The following SHQ1 variants were observed in gnomAD, a reference collection of about 807,000 sequenced individuals.
SHQ1 encodes the protein protein SHQ1 homolog.
A neutral mutation model predicts 53.8 loss-of-function variants in SHQ1; 49 were observed. The observed-to-expected ratio is 0.91, with a 90% CI of 0.72 to 1.16. The LOEUF (loss-of-function observed/expected upper bound fraction) is 1.16. Ranked by LOEUF, SHQ1 falls within the 50% of genes most tolerant of loss-of-function variation. The probability of loss-of-function intolerance (pLI) is 0.00; values close to 1 mark genes in which losing one functional copy is unlikely to be tolerated. For missense variants in SHQ1, 738 were observed against 683.1 expected (o/e 1.08, Z -0.90); for synonymous variants, 243 against 251.0 (o/e 0.97, Z 0.30).
chr3:72,795,224 G>T (rs1028581849), intron 9 of SHQ1: 8 of 152,236 alleles, frequency 5.3e-5, no homozygotes, highest in African/African-American at 1.9e-4. Context: ...AAGCTCCACT[G>T]CTAGACTGAC....
chr3:72,762,516 C>T (rs1705633431), intron 10 of SHQ1, among the ~76,000 whole-genome samples: 1 of 152,162 alleles, frequency 6.6e-6, no homozygotes, highest in South Asian at 2.1e-4. Flanking sequence ...CGCTGTGATC[C>T]CAAAAGCTGA....
chr3:72,844,296 T>G (rs567290070), intron 2 of SHQ1, 63 bp downstream of exon 2: 1 of 1,360,818 alleles, frequency 7.3e-7, no homozygotes, highest in East Asian at 2.3e-5. Flanking sequence ...TCTTGTAAGA[T>G]TATTATGTAA....
intron 6 of SHQ1, among the ~76,000 whole-genome samples, chr3:72,821,329 A>T (rs1707472602): frequency 6.6e-6 from 1 of 152,226 alleles, no homozygotes; most frequent in African/African-American, 2.4e-5. Flanking sequence ...GCTTCAGATT[A>T]ACCACTGAAA....
intron 10 of SHQ1, among the ~76,000 whole-genome samples, chr3:72,782,521 A>G (rs1010795925): frequency 3.9e-5 from 6 of 152,212 alleles, no homozygotes; most frequent in African/African-American, 1.4e-4. Flanking sequence ...AAGTAGTCAG[A>G]GCAGGAAATG....
intron 10 of SHQ1, among the ~76,000 whole-genome samples, chr3:72,791,901 G>C (rs909702149): frequency 1.3e-5 from 2 of 152,076 alleles, no homozygotes; most frequent in African/African-American, 2.4e-5. Context: ...ATGGAATTTT[G>C]TCATGTCTAA....
intron 10 of SHQ1, among the ~76,000 whole-genome samples, chr3:72,755,519 G>C (rs531674618): frequency 6.6e-6 from 1 of 152,274 alleles, no homozygotes; most frequent in South Asian, 2.1e-4. Context: ...TTTCAAAATA[G>C]CATTGGTGTA....
At position 72,818,790 on chromosome 3, in the gene SHQ1, T is replaced by C. The variant is rs186266103; in HGVS notation, c.728-1406A>G. Among the ~76,000 whole-genome samples the C allele has an allele frequency of 3.5e-3, 533 of 152,078 alleles. 2 individuals carry two copies. Among genetic ancestry groups the C allele is most frequent in the Non-Finnish European group, 4.9e-3 (331 of 67,988 alleles). ...TTTGAAGAAATAAGATGTCACATGG[T>C]GAAGTGAGAGAGCCTGTGAGAAGGC... On this transcript the variant is annotated intron_variant, in intron 6 of 10. Coordinates refer to ENST00000325599, the MANE Select transcript of SHQ1 (RefSeq NM_018130.3).
At chr3:72,740,952 A>G in the SHQ1 span, among the ~76,000 whole-genome samples, 1 of 152,152 alleles carries the variant, frequency 6.6e-6, no homozygotes, top group Non-Finnish European at 1.5e-5. Context: ...CTTACCTTCA[A>G]TAACTTCCAA....
chr3:72,846,643 A>C (rs1708338173), intron 1 of SHQ1, among the ~76,000 whole-genome samples: 1 of 152,128 alleles, frequency 6.6e-6, no homozygotes, highest in African/African-American at 2.4e-5. Context: ...CACTCTTCCC[A>C]ACCATGAAGG....
At chr3:72,785,721 C>T (rs1293069094) in intron 10 of SHQ1, among the ~76,000 whole-genome samples, 2 of 152,174 alleles carry the variant, frequency 1.3e-5, no homozygotes, top group Non-Finnish European at 2.9e-5. Flanking sequence ...ACATGTTCTC[C>T]TTGTCTACTC....
downstream of SHQ1, among the ~76,000 whole-genome samples, chr3:72,747,748 G>C (rs1417001956): frequency 6.6e-6 from 1 of 152,210 alleles, no homozygotes. Context: ...AGCACTTTGG[G>C]AGTCTAAGGC....
At chr3:72,832,913 G>A (rs761223297) in intron 4 of SHQ1, among the ~76,000 whole-genome samples, 1 of 152,156 alleles carries the variant, frequency 6.6e-6, no homozygotes, top group Non-Finnish European at 1.5e-5. Flanking sequence ...AGCTCAGCTG[G>A]TCTAAAGAAG....
At chr3:72,830,222 T>C (rs886520011) in intron 5 of SHQ1, among the ~76,000 whole-genome samples, 6 of 152,122 alleles carry the variant, frequency 3.9e-5, no homozygotes, top group Non-Finnish European at 1.5e-5. Context: ...TAAATTTTTC[T>C]TTACAATCAA....
rs369460718 is a variant in SHQ1, at chr3:72,824,083, G to A, written c.727+341C>T. Among the ~76,000 whole-genome samples the A allele has an allele frequency of 5.3e-5, 8 of 152,254 alleles. No homozygotes were observed. In the South Asian group the frequency reaches 1.7e-3, roughly 32 times the overall value. On this transcript the variant is annotated intron_variant, in intron 6 of 10. Transcript: ENST00000325599. Reference sequence around the variant, plus strand: ...ATACTCAAATGTCCTTACCAAAGAAGAATGTTCATACCTCTTAAGCAGGTT... The same window carrying A: ...ATACTCAAATGTCCTTACCAAAGAAAAATGTTCATACCTCTTAAGCAGGTT...
In SHQ1 at chr3:72,817,271, C is replaced by A; in HGVS notation, c.841G>T (p.Ala281Ser). The A allele has an allele frequency of 6.2e-7, 1 of 1,613,640 alleles. No individual in the cohort carries two copies. Among genetic ancestry groups the A allele is most frequent in the Non-Finnish European group, 8.5e-7 (1 of 1,179,706 alleles). Reference protein sequence around the residue: ...VCYSLIDILLAYCYETRVTEG... With the variant: ...VCYSLIDILLSYCYETRVTEG... ...GTGACACGGGTTTCATAGCAATATG[C>A]CAGAAGGATATCAATCAAACTGTAG... Residue 281 changes from alanine (A) to serine (S), a missense_variant, in exon 7 of 11, where the codon GCA (alanine) becomes TCA (serine). Ala to Ser is a moderately conservative substitution (Grantham distance 99). Transcript: ENST00000325599.
chr3:72,748,329 C>CAAAAAA (rs572927520), downstream of SHQ1, among the ~76,000 whole-genome samples: 157 of 58,758 alleles, frequency 2.7e-3, 23 homozygotes, highest in East Asian at 8.0e-3. Flanking sequence ...ATGAGGCATG[C>CAAAAAA]AAAAAAAAAA....
Position 72,848,364 on chromosome 3 carries a change from G to A in SHQ1, c.-24C>T. On this transcript the variant is annotated 5_prime_UTR_variant, in exon 1 of 11. Coordinates refer to ENST00000325599, the MANE Select transcript of SHQ1 (RefSeq NM_018130.3). Reference sequence around the variant, plus strand: ...ATCGCCGCACCGGACGCAAGGGCCGGCGCCGCTCGCTCTCACTGCCGCCGC... The same window carrying A: ...ATCGCCGCACCGGACGCAAGGGCCGACGCCGCTCGCTCTCACTGCCGCCGC... The A allele has an allele frequency of 1.9e-6, 3 of 1,611,864 alleles. No homozygotes were observed. Among genetic ancestry groups the A allele is most frequent in the Non-Finnish European group, 2.5e-6 (3 of 1,178,764 alleles).
the SHQ1 span, among the ~76,000 whole-genome samples, chr3:72,734,846 C>T: frequency 6.6e-6 from 1 of 151,588 alleles, no homozygotes; most frequent in East Asian, 1.9e-4. Context: ...GCCTTTACGA[C>T]ACAAGTAAGA....
At chr3:72,814,479 T>C (rs887599545) in intron 8 of SHQ1, 6 of 152,204 alleles carry the variant, frequency 3.9e-5, no homozygotes, top group Non-Finnish European at 8.8e-5. Flanking sequence ...GCTGGTCAGG[T>C]TGTTGGTCCT....
Sources: gnomAD v4.1 joint callset for allele counts (sites outside exome capture counted in the v4.1 genomes callset) on GRCh38, gnomAD v4.1.1 for gene constraint, MANE v1.5 for transcripts, NCBI Gene and HGNC (gene_info 2026-07-23, HGNC 2026-07-21) for gene names.